The following CPVL variants were observed in gnomAD, a reference collection of about 807,000 sequenced individuals.
The protein encoded by CPVL is probable serine carboxypeptidase CPVL.
Under a neutral mutation model 63.7 loss-of-function variants are expected in CPVL, and 51 were observed. The ratio of observed to expected loss-of-function variants is 0.80; its 90% CI spans 0.64 to 1.01. The LOEUF is 1.01. Among genes scored for constraint, CPVL ranks in the 50% least tolerant of loss-of-function variants. The probability of loss-of-function intolerance (pLI) is 0.00; values close to 1 mark genes in which losing one functional copy is unlikely to be tolerated. For synonymous variants in CPVL, 195 were observed against 206.0 expected, an observed-to-expected ratio of 0.95 and a Z score of 0.46; for missense variants, 530 against 573.1, an observed-to-expected ratio of 0.92 and a Z score of 0.77.
At chr7:29,004,207 A>ATGAGAGT (rs1433599086) in intron 12 of CPVL, among the ~76,000 whole-genome samples, 1 of 152,216 alleles carries the variant, frequency 6.6e-6, no homozygotes, top group Admixed American at 6.5e-5. Context: ...GAATAAAAGG[A>ATGAGAGT]TGAGAGTAAG....
intron 3 of CPVL, among the ~76,000 whole-genome samples, chr7:29,098,648 T>C (rs1409046659): frequency 6.6e-6 from 1 of 152,184 alleles, no homozygotes; most frequent in Non-Finnish European, 1.5e-5. Flanking sequence ...ATATAACAAA[T>C]AAGCATGGAA....
upstream of CPVL, among the ~76,000 whole-genome samples, chr7:29,149,189 CTTT>C (rs60520174): frequency 1.0e-5 from 1 of 100,336 alleles, no homozygotes; most frequent in African/African-American, 3.9e-5. Context: ...GTCTGTTTCC[CTTT>C]TTTTTTTTTT....
intron 1 of CPVL, among the ~76,000 whole-genome samples, chr7:29,143,545 C>G (rs1033996749): frequency 1.3e-5 from 2 of 152,048 alleles, no homozygotes; most frequent in African/African-American, 2.4e-5. Context: ...TCATACAGTA[C>G]AAAAAGATAT....
intron 3 of CPVL, among the ~76,000 whole-genome samples, chr7:29,101,582 G>A (rs888554131): frequency 1.4e-4 from 22 of 152,248 alleles, no homozygotes; most frequent in South Asian, 1.2e-3. Flanking sequence ...GCGACAGAGC[G>A]AGACTCCGTC....
intron 2 of CPVL, among the ~76,000 whole-genome samples, chr7:29,113,295 G>A (rs1397960906): frequency 6.6e-6 from 1 of 152,034 alleles, no homozygotes; most frequent in Non-Finnish European, 1.5e-5. Flanking sequence ...TTTCATGAAG[G>A]CAAAAAGCCT....
chr7:29,139,209 T>G (rs900316860), intron 1 of CPVL, among the ~76,000 whole-genome samples: 3 of 152,202 alleles, frequency 2.0e-5, no homozygotes, highest in Non-Finnish European at 2.9e-5. Flanking sequence ...GGTCAAAAGT[T>G]CCAGCCTTCA....
intron 2 of CPVL, among the ~76,000 whole-genome samples, chr7:29,115,000 G>T (rs760845756): frequency 9.9e-5 from 15 of 152,154 alleles, no homozygotes; most frequent in Non-Finnish European, 2.2e-4. Flanking sequence ...TAGCACAATA[G>T]AAGAGCATGG....
chr7:29,060,277 C>A (rs570951353), intron 11 of CPVL, among the ~76,000 whole-genome samples: 2 of 152,214 alleles, frequency 1.3e-5, no homozygotes, highest in East Asian at 3.9e-4. Flanking sequence ...TGTTTTTATT[C>A]CTGTTTTATA....
intron 11 of CPVL, among the ~76,000 whole-genome samples, chr7:29,044,469 T>A (rs1400904397): frequency 2.0e-5 from 3 of 152,156 alleles, no homozygotes; most frequent in Non-Finnish European, 4.4e-5. Flanking sequence ...TCCTTTTGTT[T>A]TAAATTAAAA....
intron 8 of CPVL, 21 bp downstream of exon 8, chr7:29,072,280 A>G (rs1783824371): frequency 6.2e-7 from 1 of 1,613,368 alleles, no homozygotes; most frequent in Non-Finnish European, 8.5e-7. Context: ...ACAAAATAGA[A>G]AGTCAGAAGG....
chr7:29,030,575 A>G lies in CPVL; in HGVS notation c.1320+2T>C, dbSNP rs1274469805. 1 of 1,609,294 alleles carries G rather than the reference A, an allele frequency of 6.2e-7. No individual in the cohort carries two copies. The highest frequency in any genetic ancestry group is 1.3e-5 in the African/African-American group (1 of 74,736). On this transcript the variant is annotated splice_donor_variant, in intron 12 of 12. Transcript: ENST00000265394. LOFTEE classifies it high-confidence loss of function. ...CCTGCCTGCTCCCAAGCATCTTCCT[A>G]CCTGATGGAAGTCACCCGCTTGCCG...
intron 5 of CPVL, among the ~76,000 whole-genome samples, chr7:29,173,798 G>A (rs180997031): frequency 6.6e-6 from 1 of 150,828 alleles, no homozygotes; most frequent in African/African-American, 2.4e-5. Flanking sequence ...AAAATTAGTC[G>A]AGTGTGGTGG....
intron 5 of CPVL, among the ~76,000 whole-genome samples, chr7:29,174,860 T>TA (rs766262407): frequency 0.026 from 1,943 of 74,182 alleles, 16 homozygotes; most frequent in Non-Finnish European, 0.037. Flanking sequence ...AAACTCCATC[T>TA]AAAAAAAAAA....
At chr7:29,071,109 C>CA (rs200845761) in intron 9 of CPVL, among the ~76,000 whole-genome samples, 361 of 144,664 alleles carry the variant, frequency 2.5e-3, no homozygotes, top group East Asian at 0.017. Flanking sequence ...GCAAAAAAAG[C>CA]AAAAAAAAAC....
At chr7:29,068,817 C>T (rs1235844898) in intron 9 of CPVL, among the ~76,000 whole-genome samples, 2 of 151,364 alleles carry the variant, frequency 1.3e-5, no homozygotes, top group Admixed American at 1.3e-4. Context: ...GCCTCAGCCT[C>T]CCGAGTAGCT....
At chr7:29,095,560 T>A (rs571756536) in intron 4 of CPVL, among the ~76,000 whole-genome samples, 1 of 148,276 alleles carries the variant, frequency 6.7e-6, no homozygotes, top group Admixed American at 6.8e-5. Flanking sequence ...TGGCTCACAC[T>A]CCAAATTCTG....
chr7:29,026,850 A>T (rs544125148), intron 12 of CPVL, among the ~76,000 whole-genome samples: 1 of 152,258 alleles, frequency 6.6e-6, no homozygotes, highest in Admixed American at 6.5e-5. Flanking sequence ...CAGTAATAAA[A>T]ATTCTCCCAA....
chr7:29,115,784 G>A (rs1562776607), intron 2 of CPVL, among the ~76,000 whole-genome samples: 2 of 151,998 alleles, frequency 1.3e-5, no homozygotes, highest in Non-Finnish European at 2.9e-5. Context: ...GAGAAAAAGA[G>A]AAAATATATA....
intron 1 of CPVL, 131 bp downstream of exon 1, chr7:29,146,298 C>T (rs1415333046): frequency 5.4e-6 from 2 of 368,746 alleles, no homozygotes; most frequent in Non-Finnish European, 9.8e-6. Flanking sequence ...TCTCACTCTA[C>T]GGTGCTTTCT....
Sources: gnomAD v4.1 joint callset for allele counts (sites outside exome capture counted in the v4.1 genomes callset) on GRCh38, gnomAD v4.1.1 for gene constraint, MANE v1.5 for transcripts, NCBI Gene and HGNC (gene_info 2026-07-23, HGNC 2026-07-21) for gene names.